PUM1: variants seen among roughly 807,000 people sequenced by gnomAD.
PUM1 encodes the protein pumilio RNA binding family member 1, also known as pumilio homolog 1.
PUM1 carries 13 observed loss-of-function variants against 131.8 expected under a neutral mutation model. That is an observed-to-expected ratio of 0.10 (90% CI 0.06 to 0.16). The LOEUF is 0.16. Among genes scored for constraint, PUM1 ranks in the 10% least tolerant of loss-of-function variants. The probability of loss-of-function intolerance (pLI) is 1.00; values close to 1 mark genes in which losing one functional copy is unlikely to be tolerated. For synonymous variants in PUM1, 509 were observed against 556.5 expected (o/e 0.91, Z 1.20); for missense variants, 961 against 1,512.4 (o/e 0.64, Z 6.05).
intron 14 of PUM1, among the ~76,000 whole-genome samples, chr1:30,964,015 A>C (rs1335140044): frequency 1.3e-5 from 2 of 152,060 alleles, no homozygotes; most frequent in Non-Finnish European, 2.9e-5. Context: ...AAGGTAATAT[A>C]ATTTTCTTTT....
intron 2 of PUM1, 146 bp from the exon 3 acceptor site, chr1:31,029,010 ACATT>A (rs1307413916): frequency 1.2e-5 from 8 of 667,450 alleles, no homozygotes; most frequent in Non-Finnish European, 1.9e-5. Flanking sequence ...AAGAGATTAA[ACATT>A]CACTTACCTT....
intron 20 of PUM1, 101 bp from the exon 21 acceptor site, chr1:30,936,936 G>C: frequency 1.0e-6 from 1 of 986,266 alleles, no homozygotes; most frequent in Non-Finnish European, 1.5e-6. Context: ...CCAGCAGGGA[G>C]AGAGAGCTAT....
chr1:31,037,759 C>T (rs896650604), intron 2 of PUM1, among the ~76,000 whole-genome samples: 1 of 150,146 alleles, frequency 6.7e-6, no homozygotes, highest in African/African-American at 2.5e-5. Context: ...TAAAAATTGG[C>T]ATCATTTAGG....
chr1:30,985,266 C>G (rs529718173), intron 7 of PUM1, among the ~76,000 whole-genome samples: 1 of 152,168 alleles, frequency 6.6e-6, no homozygotes, highest in Admixed American at 6.5e-5. Context: ...CAGACTCAGC[C>G]CTTCTGAGAG....
In PUM1 at chr1:31,059,507, G is replaced by A. The variant is rs548852369; in HGVS notation, c.60C>T (p.Pro20=). The A allele has an allele frequency of 1.2e-6, 2 of 1,614,078 alleles. No individual in the cohort carries two copies. Among genetic ancestry groups the A allele is most frequent in the African/African-American group, 1.3e-5 (1 of 75,044 alleles). Residue 20 remains proline, a synonymous_variant, in exon 2 of 22, where the codon CCC becomes CCT. Coordinates refer to ENST00000426105, the MANE Select transcript of PUM1 (RefSeq NM_001020658.2). ...KAVLWQDSFS[P]HLKHHPQEPA... is the part of the protein sequence containing the mutation. ...GTTCTTGAGGGTGATGTTTCAGGTG[G>A]GGGCTGAAAGAGTCCTGCCAAAGCA... is the stretch of plus-strand genomic sequence containing the variant.
intron 15 of PUM1, 68 bp from the exon 16 acceptor site, chr1:30,952,431 C>G (rs1368502319): frequency 1.2e-6 from 2 of 1,606,682 alleles, no homozygotes; most frequent in Non-Finnish European, 1.7e-6. Context: ...CAGTGTACCT[C>G]GGTTTATAGA....
At position 30,945,138 on chromosome 1, in the gene PUM1, G is replaced by C. The variant is rs560509068; in HGVS notation, c.2994+208C>G. Among the ~76,000 whole-genome samples the C allele has an allele frequency of 1.5e-4, 23 of 152,248 alleles. No homozygotes were observed. In the South Asian group the frequency reaches 4.1e-3, roughly 27 times the overall value. On this transcript the variant is annotated intron_variant, in intron 18 of 21. Transcript: ENST00000426105. ...AATTCCAGCTACTTGGGAGGCTGAG[G>C]GGGGAGGATTGCTTGAACCTGGCAG... is the stretch of plus-strand genomic sequence containing the variant.
intron 21 of PUM1, 97 bp from the exon 22 acceptor site, chr1:30,933,439 T>TACACACACATAC (rs1639045590): frequency 2.8e-6 from 1 of 362,426 alleles, no homozygotes; most frequent in Non-Finnish European, 4.9e-6. Flanking sequence ...CACACACACA[T>TACACACACATAC]ACACACACAC....
At chr1:31,046,001 G>C (rs1240642014) in intron 2 of PUM1, among the ~76,000 whole-genome samples, 1 of 152,076 alleles carries the variant, frequency 6.6e-6, no homozygotes, top group Non-Finnish European at 1.5e-5. Flanking sequence ...AGAATCGCTT[G>C]AACCCAGGAG....
chr1:31,022,128 A>T (rs1426365584), intron 3 of PUM1, among the ~76,000 whole-genome samples: 2 of 151,864 alleles, frequency 1.3e-5, no homozygotes, highest in African/African-American at 4.8e-5. Flanking sequence ...GACACTTAAG[A>T]ATTTAGCTGG....
chr1:31,062,727 C>T (rs1026829028), intron 1 of PUM1, among the ~76,000 whole-genome samples: 18 of 152,128 alleles, frequency 1.2e-4, no homozygotes, highest in African/African-American at 3.9e-4. Flanking sequence ...CAGTCTACTG[C>T]TACAAATGCT....
At chr1:31,050,843 T>A in intron 2 of PUM1, 1 of 193,000 alleles carries the variant, frequency 5.2e-6, no homozygotes, top group Non-Finnish European at 1.1e-5. Context: ...AGCTCTTTCC[T>A]TTTGTCTCAC....
chr1:30,958,420 T>C (rs1640260300), intron 14 of PUM1, among the ~76,000 whole-genome samples: 1 of 152,154 alleles, frequency 6.6e-6, no homozygotes, highest in Non-Finnish European at 1.5e-5. Context: ...ACACTTTTCT[T>C]CCAGGGCAAA....
chr1:30,969,057 AC>A (rs1640751388), intron 10 of PUM1, among the ~76,000 whole-genome samples: 6 of 152,194 alleles, frequency 3.9e-5, no homozygotes, highest in Admixed American at 3.9e-4. Context: ...TAATCCTAGC[AC>A]TTTGGGAGGC....
At chr1:30,950,937 A>G (rs1310556497) in intron 16 of PUM1, among the ~76,000 whole-genome samples, 13 of 152,238 alleles carry the variant, frequency 8.5e-5, no homozygotes, top group Admixed American at 8.5e-4. Flanking sequence ...TACATCATTA[A>G]GAGAATTGAT....
chr1:30,952,086 T>C, intron 16 of PUM1, 148 bp downstream of exon 16: 1 of 691,436 alleles, frequency 1.4e-6, no homozygotes, highest in Non-Finnish European at 2.5e-6. Context: ...GCTAATGAAT[T>C]GGAAAAACAC....
chr1:30,978,198 G>A lies in PUM1; in HGVS notation c.1354+1864C>T, dbSNP rs574378276. On this transcript the variant is annotated intron_variant, in intron 9 of 21. Coordinates refer to ENST00000426105, the MANE Select transcript of PUM1 (RefSeq NM_001020658.2). The stretch of plus-strand genomic sequence containing the variant: ...CAAGAGGCAGAGACTGCAGTGAGCC[G>A]AGATCGCACCACTGAACTCCAGCCT... 7.9e-5 allele frequency among the ~76,000 whole-genome samples: 12 copies of A among 152,166 alleles called. No individual in the cohort carries two copies. In the East Asian group the frequency reaches 1.2e-3, roughly 15 times the overall value.
intron 17 of PUM1, 26 bp downstream of exon 17, chr1:30,950,101 A>G: frequency 6.2e-7 from 1 of 1,604,762 alleles, no homozygotes; most frequent in East Asian, 2.2e-5. Flanking sequence ...TCAAACACCA[A>G]GAGAAAAGTT....
chr1:30,965,386 T>C (rs909570192), intron 13 of PUM1, among the ~76,000 whole-genome samples: 2 of 152,222 alleles, frequency 1.3e-5, no homozygotes, highest in Non-Finnish European at 2.9e-5. Context: ...ATTAAGATAC[T>C]TTCTTTCACA....
Sources: gnomAD v4.1 joint callset for allele counts (sites outside exome capture counted in the v4.1 genomes callset) on GRCh38, gnomAD v4.1.1 for gene constraint, MANE v1.5 for transcripts, NCBI Gene and HGNC (gene_info 2026-07-23, HGNC 2026-07-21) for gene names.